The following CABP1 variants were observed in gnomAD, a reference collection of about 807,000 sequenced individuals.
The protein encoded by CABP1 is calcium binding protein 1, also known as calcium-binding protein 1.
In CABP1, 17 loss-of-function variants were observed where a neutral mutation model predicts 34.3. The ratio of observed to expected loss-of-function variants is 0.50; its 90% confidence interval spans 0.34 to 0.74. The LOEUF (loss-of-function observed/expected upper bound fraction) is 0.74, where lower values mean the gene tolerates loss of function less well. Ranked by LOEUF, CABP1 falls within the 30% of genes least tolerant of loss-of-function variation. The pLI is 0.01. For missense variants in CABP1, 373 were observed against 511.1 expected (o/e 0.73, Z 2.61); for synonymous variants, 198 against 229.2 (o/e 0.86, Z 1.23).
the CABP1 span, among the ~76,000 whole-genome samples, chr12:120,677,393 T>C: frequency 1.7e-5 from 2 of 119,704 alleles, no homozygotes; most frequent in Non-Finnish European, 3.6e-5. Context: ...CAGCCTTCTT[T>C]TTTTTTTTTT....
the CABP1 span, among the ~76,000 whole-genome samples, chr12:120,673,056 T>A: frequency 1.3e-5 from 2 of 151,480 alleles, no homozygotes; most frequent in East Asian, 1.9e-4. Flanking sequence ...AAAAGATTTT[T>A]AAAAAGAAAC....
chr12:120,675,475 C>G, the CABP1 span, among the ~76,000 whole-genome samples: 1 of 152,244 alleles, frequency 6.6e-6, no homozygotes, highest in Non-Finnish European at 1.5e-5. Flanking sequence ...TTCCCTCTGC[C>G]TGGAGTGCTT....
chr12:120,677,390 C>CT, the CABP1 span, among the ~76,000 whole-genome samples: 1,758 of 76,756 alleles, frequency 0.023, 72 homozygotes, highest in African/African-American at 0.041. Flanking sequence ...GCCCAGCCTT[C>CT]TTTTTTTTTT....
At chr12:120,642,245 C>T (rs915925192) in intron 1 of CABP1, among the ~76,000 whole-genome samples, 5 of 152,032 alleles carry the variant, frequency 3.3e-5, no homozygotes, top group South Asian at 2.1e-4. Flanking sequence ...TGGCAGCCTC[C>T]GAGAGGTGTC....
chr12:120,648,435 G>T lies in CABP1; in HGVS notation c.654+7096G>T, dbSNP rs186533452. ...CCTGACATTTCTCCACTGGACAAGT[G>T]ATACTTCTTTCTTCCATTTAAATAA... On this transcript the variant is annotated intron_variant, in intron 1 of 5. Coordinates refer to ENST00000316803, the MANE Select transcript of CABP1 (RefSeq NM_001033677.2). Among the ~76,000 whole-genome samples the T allele has an allele frequency of 2.0e-5, 3 of 152,290 alleles. No homozygotes were observed. The East Asian group carries it at 5.8e-4, about 29-fold the overall frequency.
chr12:120,668,729 C>A (rs139552053), downstream of CABP1, among the ~76,000 whole-genome samples: 1 of 152,180 alleles, frequency 6.6e-6, no homozygotes, highest in Non-Finnish European at 1.5e-5. Context: ...CATTGTAATT[C>A]GTTTCTATAA....
rs1347866499 is a variant in CABP1, at chr12:120,641,384, G to A, written c.654+45G>A. On this transcript the variant is annotated intron_variant, in intron 1 of 5. Transcript: ENST00000316803. The surrounding 1 kb of genome is among the most constrained non-coding windows in gnomAD (Gnocchi z 6.7). ...TCAGCGCTCCCGGGAAAGGCGCTCG[G>A]GACCCTGCCGGCCGCGGTTGCGCGT... 4.8e-6 allele frequency: 6 copies of A among 1,245,822 alleles called. No individual in the cohort carries two copies. Among genetic ancestry groups the A allele is most frequent in the African/African-American group, 3.1e-5 (2 of 64,294 alleles). The allele number at this position is 1,245,822 out of a possible 1,614,324, so 77.2% of individuals were successfully genotyped here.
At chr12:120,643,610 A>G (rs1245670908) in intron 1 of CABP1, among the ~76,000 whole-genome samples, 1 of 152,184 alleles carries the variant, frequency 6.6e-6, no homozygotes, top group African/African-American at 2.4e-5. Context: ...AATATATTTT[A>G]TAATAGAGAC....
At chr12:120,671,730 G>A (rs1053695926), downstream of CABP1, among the ~76,000 whole-genome samples, 7 of 152,312 alleles carry the variant, frequency 4.6e-5, no homozygotes, top group East Asian at 7.7e-4. Context: ...GCCAGGAGGC[G>A]TCCCCATAGC....
intron 1 of CABP1, 104 bp from the exon 2 acceptor site, chr12:120,659,774 C>T: frequency 7.8e-6 from 8 of 1,026,156 alleles, no homozygotes; most frequent in Non-Finnish European, 1.2e-5. Flanking sequence ...ATCCTCGTCA[C>T]CTCCTACCCA....
intron 1 of CABP1, among the ~76,000 whole-genome samples, chr12:120,647,946 T>C (rs1879626704): frequency 6.6e-6 from 1 of 151,888 alleles, no homozygotes; most frequent in Non-Finnish European, 1.5e-5. Context: ...TACCTGGGAG[T>C]ACTAAGCAAC....
chr12:120,667,036 C>T lies in CABP1; in HGVS notation c.*136C>T, dbSNP rs1012759308. 20 of 1,050,194 alleles carry T rather than the reference C, an allele frequency of 1.9e-5. No homozygotes were observed. In the South Asian group the frequency reaches 2.1e-4, roughly 11 times the overall value. 65.1% of individuals were successfully genotyped at this position (1,050,194 alleles called of 1,614,324 possible). ...GGGGCCTGCCTGCACCCCGGGGAGG[C>T]GCCCACCCCGGACCCCCACCCCTCC... On this transcript the variant is annotated 3_prime_UTR_variant, in exon 6 of 6. Coordinates refer to ENST00000316803, the MANE Select transcript of CABP1 (RefSeq NM_001033677.2).
chr12:120,677,132 G>C, the CABP1 span, among the ~76,000 whole-genome samples: 1 of 146,660 alleles, frequency 6.8e-6, no homozygotes, highest in Non-Finnish European at 1.5e-5. Context: ...CTGTTGCCCA[G>C]GCTGGAGTGC....
Position 120,641,325 on chromosome 12 carries a change from T to A in CABP1, c.640T>A (p.Ser214Thr). The A allele has an allele frequency of 1.5e-6, 2 of 1,321,356 alleles. No individual in the cohort carries two copies. Among genetic ancestry groups the A allele is most frequent in the Non-Finnish European group, 1.9e-6 (2 of 1,037,210 alleles). 81.9% of individuals were successfully genotyped at this position (1,321,356 alleles called of 1,614,324 possible). ...FLHRLRPMLS[S>T]AFGQDRSLRP... ...CCACCGGCTGCGCCCCATGCTCAGC[T>A]CCGCCTTTGGCCAGGTAAGGGCCGC... Residue 214 changes from serine (S) to threonine (T), a missense_variant, in exon 1 of 6, where the codon TCC (serine) becomes ACC (threonine). By Grantham distance (58) the Ser-to-Thr change is moderately conservative. Coordinates refer to ENST00000316803, the MANE Select transcript of CABP1 (RefSeq NM_001033677.2). This position sits in a 1 kb window ranked among gnomAD's most constrained non-coding sequence, Gnocchi z 6.7.
chr12:120,651,108 G>A (rs1565996035), intron 1 of CABP1, among the ~76,000 whole-genome samples: 1 of 152,164 alleles, frequency 6.6e-6, no homozygotes, highest in Non-Finnish European at 1.5e-5. Flanking sequence ...GGGTCTGTGA[G>A]CCTCTCTGAT....
intron 5 of CABP1, among the ~76,000 whole-genome samples, chr12:120,665,540 G>A (rs1880915132): frequency 6.6e-6 from 1 of 152,124 alleles, no homozygotes; most frequent in African/African-American, 2.4e-5. Context: ...AATGAACCCT[G>A]ATGTAAACTG....
intron 5 of CABP1, among the ~76,000 whole-genome samples, chr12:120,663,635 C>G (rs779601288): frequency 1.9e-4 from 29 of 152,324 alleles, no homozygotes; most frequent in Middle Eastern, 6.8e-3. Context: ...TTACTGTACA[C>G]TTATGTGCAG....
In CABP1 at chr12:120,641,299, T is replaced by C; in HGVS notation, c.614T>C (p.Leu205Pro). The C allele has an allele frequency of 5.3e-6, 7 of 1,328,254 alleles. No individual in the cohort carries two copies. Among genetic ancestry groups the C allele is most frequent in the Non-Finnish European group, 5.8e-6 (6 of 1,040,372 alleles). The allele number at this position is 1,328,254 out of a possible 1,614,324, so 82.3% of individuals were successfully genotyped here. Residue 205 changes from leucine (L) to proline (P), a missense_variant, in exon 1 of 6, where the codon CTC (leucine) becomes CCC (proline). Physicochemically the swap from Leu to Pro is moderately conservative, Grantham distance 98. This residue lies in a region of CABP1 where 121 missense variants were observed against 125.5 expected (regional missense o/e 0.96). Transcript: ENST00000316803. The surrounding 1 kb of genome is among the most constrained non-coding windows in gnomAD (Gnocchi z 6.7). ...GCCGCGTCCGAGGCGGACCCGTTCCTCCACCGGCTGCGCCCCATGCTCAGC... is the reference window on the plus strand; with the variant it reads ...GCCGCGTCCGAGGCGGACCCGTTCCCCCACCGGCTGCGCCCCATGCTCAGC... The part of the protein sequence containing the change: ...PAAASEADPF[L>P]HRLRPMLSSA...
intron 1 of CABP1, among the ~76,000 whole-genome samples, chr12:120,646,427 T>C (rs1879540226): frequency 6.6e-6 from 1 of 152,216 alleles, no homozygotes; most frequent in Non-Finnish European, 1.5e-5. Flanking sequence ...GCCCAAGGGC[T>C]GCTGCCACAG....
Sources: gnomAD v4.1 joint callset for allele counts (sites outside exome capture counted in the v4.1 genomes callset) on GRCh38, gnomAD v4.1.1 for gene constraint, gnomAD v4.1.1 regional missense constraint, Gnocchi (gnomAD v3.1) non-coding constraint, MANE v1.5 for transcripts, NCBI Gene and HGNC (gene_info 2026-07-23, HGNC 2026-07-21) for gene names.